The following SMYD3 variants were observed in gnomAD, a reference collection of about 807,000 sequenced individuals.
The protein encoded by SMYD3 is histone-lysine N-methyltransferase SMYD3.
A neutral mutation model predicts 57.7 loss-of-function variants in SMYD3; 36 were observed. The ratio of observed to expected loss-of-function variants is 0.62; its 90% CI spans 0.48 to 0.82. The LOEUF is 0.82. Among genes scored for constraint, SMYD3 ranks in the 40% least tolerant of loss-of-function variants. SMYD3 has a pLI of 0.00. For synonymous variants in SMYD3, 211 were observed against 195.0 expected (o/e 1.08, Z -0.68); for missense variants, 515 against 538.8 (o/e 0.96, Z 0.44).
intron 8 of SMYD3, among the ~76,000 whole-genome samples, chr1:245,881,254 T>G (rs887073334): frequency 2.0e-5 from 3 of 152,128 alleles, no homozygotes; most frequent in African/African-American, 7.2e-5. Flanking sequence ...ACCAGGGGCA[T>G]GAACTGCAAG....
chr1:246,179,111 A>C (rs1477655316), intron 5 of SMYD3: 1 of 155,758 alleles, frequency 6.4e-6, no homozygotes, highest in Non-Finnish European at 1.5e-5. Context: ...CAGGAAGAGG[A>C]AGAGGAGGAG....
intron 1 of SMYD3, among the ~76,000 whole-genome samples, chr1:246,403,586 T>G (rs1303995833): frequency 6.6e-6 from 1 of 152,330 alleles, no homozygotes; most frequent in African/African-American, 2.4e-5. Flanking sequence ...CTATCCTTGC[T>G]GCCTTCTAAC....
chr1:246,376,610 A>AAAAC (rs2066283215), intron 1 of SMYD3, among the ~76,000 whole-genome samples: 2 of 149,618 alleles, frequency 1.3e-5, no homozygotes, highest in Non-Finnish European at 3.0e-5. Context: ...AAAAAAAAAA[A>AAAAC]CTAAACATAA....
chr1:246,040,452 TAGA>T (rs1430489173), intron 5 of SMYD3, among the ~76,000 whole-genome samples: 4 of 152,220 alleles, frequency 2.6e-5, no homozygotes, highest in African/African-American at 7.2e-5. Flanking sequence ...TCACTTCTCT[TAGA>T]AGAAGTATCT....
At chr1:245,787,748 T>C (rs865946959) in intron 10 of SMYD3, among the ~76,000 whole-genome samples, 2 of 152,154 alleles carry the variant, frequency 1.3e-5, no homozygotes, top group Admixed American at 6.5e-5. Flanking sequence ...TTTTAATAGG[T>C]AAAATTTGAA....
At chr1:246,150,627 A>C (rs561494329) in intron 5 of SMYD3, among the ~76,000 whole-genome samples, 2 of 152,334 alleles carry the variant, frequency 1.3e-5, no homozygotes, top group Admixed American at 1.3e-4. Context: ...CTGGGACCCA[A>C]ACCAAGGATT....
chr1:246,402,934 T>C (rs1238880205), intron 1 of SMYD3, among the ~76,000 whole-genome samples: 4 of 152,220 alleles, frequency 2.6e-5, no homozygotes, highest in Non-Finnish European at 5.9e-5. Flanking sequence ...ACTTAAGTTC[T>C]ATTATGCACT....
At chr1:246,295,196 C>T (rs1027897696) in intron 5 of SMYD3, among the ~76,000 whole-genome samples, 3 of 152,092 alleles carry the variant, frequency 2.0e-5, no homozygotes, top group East Asian at 1.9e-4. Context: ...AGCCCACTCA[C>T]GCAGTCCCTA....
chr1:246,122,312 G>A (rs1386801136), intron 5 of SMYD3, among the ~76,000 whole-genome samples: 8 of 152,164 alleles, frequency 5.3e-5, no homozygotes, highest in East Asian at 3.9e-4. Context: ...CTCAGGAGGC[G>A]GGGGCAGGAG....
At chr1:246,189,732 T>C (rs772477674) in intron 5 of SMYD3, among the ~76,000 whole-genome samples, 110 of 152,162 alleles carry the variant, frequency 7.2e-4, no homozygotes, top group Admixed American at 1.2e-3. Flanking sequence ...CCCCTACGGT[T>C]TATTTATGTA....
At chr1:246,058,323 G>C (rs550350408) in intron 5 of SMYD3, among the ~76,000 whole-genome samples, 18 of 152,270 alleles carry the variant, frequency 1.2e-4, no homozygotes, top group East Asian at 1.9e-4. Flanking sequence ...GTTTTGTGTT[G>C]GAGGTGGGGG....
At chr1:246,334,777 A>G (rs1389882231) in intron 3 of SMYD3, among the ~76,000 whole-genome samples, 1 of 152,236 alleles carries the variant, frequency 6.6e-6, no homozygotes, top group Non-Finnish European at 1.5e-5. Context: ...AAATTAACTG[A>G]TTAAAAATTA....
chr1:246,117,250 T>C (rs2061354899), intron 5 of SMYD3, among the ~76,000 whole-genome samples: 1 of 152,232 alleles, frequency 6.6e-6, no homozygotes, highest in Non-Finnish European at 1.5e-5. Context: ...TTTTAGAATT[T>C]AATAAATAAA....
intron 5 of SMYD3, among the ~76,000 whole-genome samples, chr1:246,046,769 T>C (rs1572940012): frequency 1.3e-5 from 2 of 151,084 alleles, no homozygotes; most frequent in South Asian, 4.2e-4. Context: ...AATCCAACTT[T>C]AATAAAAAAT....
chr1:245,762,345 G>T (rs991203000), intron 11 of SMYD3, among the ~76,000 whole-genome samples: 2 of 152,162 alleles, frequency 1.3e-5, no homozygotes, highest in African/African-American at 4.8e-5. Flanking sequence ...TAAACACAAA[G>T]GTCTAGTCTG....
chr1:245,787,105 T>C (rs943213163), intron 10 of SMYD3, among the ~76,000 whole-genome samples: 1 of 152,252 alleles, frequency 6.6e-6, no homozygotes, highest in African/African-American at 2.4e-5. Flanking sequence ...TCCACTTTCA[T>C]TACTTTTCAA....
At chr1:245,968,402 GACT>G (rs1485572880) in intron 5 of SMYD3, among the ~76,000 whole-genome samples, 2 of 152,024 alleles carry the variant, frequency 1.3e-5, no homozygotes, top group East Asian at 3.9e-4. Context: ...CCCTTTACCA[GACT>G]ACTGGAATGA....
At chr1:246,275,863 T>C (rs1351660855) in intron 5 of SMYD3, among the ~76,000 whole-genome samples, 3 of 147,500 alleles carry the variant, frequency 2.0e-5, no homozygotes, top group Admixed American at 6.7e-5. Context: ...CTCTGTTTTT[T>C]ACTAGCCGTA....
chr1:245,981,524 GTTTAAA>G (rs1237288367), intron 5 of SMYD3, among the ~76,000 whole-genome samples: 8 of 152,282 alleles, frequency 5.3e-5, no homozygotes, highest in African/African-American at 1.7e-4. Context: ...TTGCAAAGCG[GTTTAAA>G]TTTAAAGGTT....
Sources: gnomAD v4.1 joint callset for allele counts (sites outside exome capture counted in the v4.1 genomes callset) on GRCh38, gnomAD v4.1.1 for gene constraint, MANE v1.5 for transcripts, NCBI Gene and HGNC (gene_info 2026-07-23, HGNC 2026-07-21) for gene names.